Variants in FARS2 observed in about 807,000 individuals in gnomAD.
The protein encoded by FARS2 is phenylalanyl-tRNA synthetase 2, mitochondrial.
A neutral mutation model predicts 46.4 loss-of-function variants in FARS2; 40 were observed. That is an observed-to-expected ratio of 0.86 (90% CI 0.67 to 1.12). FARS2 has a LOEUF of 1.12. FARS2 is among the 50% of genes most tolerant of loss of function. The pLI is 0.00. For missense variants in FARS2, 513 were observed against 567.9 expected, an observed-to-expected ratio of 0.90 and a Z score of 0.98; for synonymous variants, 234 against 214.9, an observed-to-expected ratio of 1.09 and a Z score of -0.78.
intron 2 of FARS2, among the ~76,000 whole-genome samples, chr6:5,379,013 T>C: frequency 6.6e-6 from 1 of 152,190 alleles, no homozygotes; most frequent in Non-Finnish European, 1.5e-5. Context: ...TGGAAACTAT[T>C]AGGCTCTTAG....
chr6:5,253,613 CAAG>C, the FARS2 span, among the ~76,000 whole-genome samples: 1 of 152,044 alleles, frequency 6.6e-6, no homozygotes, highest in Non-Finnish European at 1.5e-5. Context: ...TGTGGTGGTT[CAAG>C]AAGTTTTGCA....
intron 5 of FARS2, among the ~76,000 whole-genome samples, chr6:5,612,340 A>G (rs1218573385): frequency 1.3e-5 from 2 of 152,224 alleles, no homozygotes; most frequent in Non-Finnish European, 2.9e-5. Flanking sequence ...TGGATTTAGC[A>G]GATATTTCCT....
chr6:5,571,203 G>C (rs1365045974), intron 5 of FARS2, among the ~76,000 whole-genome samples: 1 of 152,140 alleles, frequency 6.6e-6, no homozygotes, highest in Non-Finnish European at 1.5e-5. Context: ...TAGTGTTATT[G>C]TAATCAGAGG....
chr6:5,550,840 T>C (rs558380935), intron 5 of FARS2, among the ~76,000 whole-genome samples: 58 of 152,318 alleles, frequency 3.8e-4, no homozygotes, highest in African/African-American at 1.4e-3. Flanking sequence ...TTCTGGCTTC[T>C]GCTGAGACGC....
chr6:5,381,050 G>C (rs1305585269), intron 2 of FARS2, among the ~76,000 whole-genome samples: 2 of 150,728 alleles, frequency 1.3e-5, no homozygotes, highest in Non-Finnish European at 2.9e-5. Context: ...GCCCAGGCTG[G>C]AGTGCAGTGG....
intron 5 of FARS2, among the ~76,000 whole-genome samples, chr6:5,593,004 T>A (rs1774002752): frequency 6.6e-6 from 1 of 152,206 alleles, no homozygotes; most frequent in Non-Finnish European, 1.5e-5. Context: ...CTCTGCCTCA[T>A]CTCACAAATC....
At chr6:5,361,903 G>A (rs1438056743) in intron 1 of FARS2, among the ~76,000 whole-genome samples, 2 of 152,152 alleles carry the variant, frequency 1.3e-5, no homozygotes, top group African/African-American at 4.8e-5. Context: ...GAAGAATGAG[G>A]GAGGTTGAAA....
At chr6:5,437,965 G>A (rs905889054) in intron 4 of FARS2, among the ~76,000 whole-genome samples, 7 of 152,006 alleles carry the variant, frequency 4.6e-5, no homozygotes, top group African/African-American at 9.6e-5. Context: ...ATTTCTTAGC[G>A]TTATTTTATG....
At chr6:5,324,686 T>C (rs554551360) in intron 1 of FARS2, among the ~76,000 whole-genome samples, 201 of 152,304 alleles carry the variant, frequency 1.3e-3, no homozygotes, top group Middle Eastern at 3.4e-3. Flanking sequence ...TACAATAAAC[T>C]GTGTTTGAAA....
intron 2 of FARS2, among the ~76,000 whole-genome samples, chr6:5,392,712 A>T (rs1760599643): frequency 6.7e-6 from 1 of 149,644 alleles, no homozygotes; most frequent in Non-Finnish European, 1.5e-5. Flanking sequence ...ATAGCAAAAC[A>T]CTTGCTCTAA....
intron 4 of FARS2, among the ~76,000 whole-genome samples, chr6:5,526,011 A>G (rs1354439293): frequency 6.6e-6 from 1 of 152,260 alleles, no homozygotes; most frequent in East Asian, 1.9e-4. Flanking sequence ...ATATTTCTGC[A>G]GCAGTGAAAC....
At chr6:5,314,695 C>T (rs1162230177) in intron 1 of FARS2, among the ~76,000 whole-genome samples, 4 of 152,154 alleles carry the variant, frequency 2.6e-5, no homozygotes, top group Admixed American at 2.0e-4. Flanking sequence ...GGGGAATTCT[C>T]CTCACACTTG....
chr6:5,590,003 G>A lies in FARS2; in HGVS notation c.1066-23166G>A, dbSNP rs180835016. ...GCACAGTCACTTAACTGCAAGTTAC[G>A]GTTTCTCCATCTATAAATTGGGAAA... On this transcript the variant is annotated intron_variant, in intron 5 of 6. Coordinates refer to ENST00000274680, the MANE Select transcript of FARS2 (RefSeq NM_006567.5). Among the ~76,000 whole-genome samples, 189 of 152,226 alleles carry A rather than the reference G, an allele frequency of 1.2e-3. 2 individuals are homozygous for A. The Middle Eastern group carries it at 0.02, about 16-fold the overall frequency.
chr6:5,554,318 A>G (rs964621064), intron 5 of FARS2, among the ~76,000 whole-genome samples: 58 of 152,340 alleles, frequency 3.8e-4, no homozygotes, highest in African/African-American at 1.3e-3. Flanking sequence ...GAAGCTAAAG[A>G]CGAGGAAAGA....
At chr6:5,473,468 A>G (rs563490495) in intron 4 of FARS2, among the ~76,000 whole-genome samples, 2 of 150,028 alleles carry the variant, frequency 1.3e-5, no homozygotes, top group East Asian at 4.0e-4. Context: ...TGGAGCTTGC[A>G]GTGAGCTGAG....
At chr6:5,487,024 T>C (rs1766814353) in intron 4 of FARS2, among the ~76,000 whole-genome samples, 1 of 151,502 alleles carries the variant, frequency 6.6e-6, no homozygotes, top group Admixed American at 6.5e-5. Context: ...ATGAAGCTGG[T>C]TGGATATTGG....
chr6:5,305,385 C>G (rs1321533636), intron 1 of FARS2, among the ~76,000 whole-genome samples: 1 of 152,182 alleles, frequency 6.6e-6, no homozygotes, highest in Non-Finnish European at 1.5e-5. Context: ...ACTTTATCCT[C>G]ATAGTCCCAG....
Position 5,368,461 on chromosome 6 carries a change from C to A in FARS2, c.-21-89C>A, listed in dbSNP as rs117504622. ...TAGTGGGGGAAACATGCCAGTAGGA[C>A]AAGAGGGAGCTGGTGGGAGATGCAA... On this transcript the variant is annotated intron_variant, in intron 1 of 6. Transcript: ENST00000274680. 3.0e-4 allele frequency: 354 copies of A among 1,177,526 alleles called. 3 individuals carry two copies. In the East Asian group the frequency reaches 8.0e-3, roughly 27 times the overall value. The allele number at this position is 1,177,526 out of a possible 1,614,324, so 72.9% of individuals were successfully genotyped here. A position where few individuals can be genotyped will look rare whatever the true frequency, so the allele number is the denominator to read the frequency against.
At chr6:5,397,318 G>A (rs1760967662) in intron 2 of FARS2, among the ~76,000 whole-genome samples, 1 of 152,164 alleles carries the variant, frequency 6.6e-6, no homozygotes, top group South Asian at 2.1e-4. Context: ...AATTGGCTGA[G>A]CGTAGAAGAT....
Sources: gnomAD v4.1 joint callset for allele counts (sites outside exome capture counted in the v4.1 genomes callset) on GRCh38, gnomAD v4.1.1 for gene constraint, MANE v1.5 for transcripts, NCBI Gene and HGNC (gene_info 2026-07-23, HGNC 2026-07-21) for gene names.